Variants in MITF observed in about 807,000 individuals in gnomAD.
MITF encodes the protein melanocyte inducing transcription factor, also known as microphthalmia-associated transcription factor.
MITF carries 17 observed loss-of-function variants against 60.5 expected under a neutral mutation model. The ratio of observed to expected loss-of-function variants is 0.28; its 90% confidence interval spans 0.19 to 0.42. The LOEUF is 0.42. Among genes scored for constraint, MITF ranks in the 10% least tolerant of loss-of-function variants. The probability of loss-of-function intolerance (pLI) is 1.00; values close to 1 mark genes in which losing one functional copy is unlikely to be tolerated. For missense variants in MITF, 622 were observed against 683.5 expected (o/e 0.91, Z 1.00); for synonymous variants, 260 against 248.5 (o/e 1.05, Z -0.43).
chr3:69,924,415 A>G (rs190971190), intron 2 of MITF, among the ~76,000 whole-genome samples: 18 of 152,362 alleles, frequency 1.2e-4, no homozygotes, highest in African/African-American at 4.3e-4. Context: ...CTTAGTAAAC[A>G]TGCTACCATA....
intron 1 of MITF, among the ~76,000 whole-genome samples, chr3:69,850,119 C>A (rs1181302640): frequency 6.6e-6 from 1 of 152,168 alleles, no homozygotes; most frequent in Non-Finnish European, 1.5e-5. Context: ...GGATCCCCCA[C>A]CCTCCCATAA....
intron 1 of MITF, among the ~76,000 whole-genome samples, chr3:69,782,993 A>G (rs1323424531): frequency 6.6e-6 from 1 of 152,202 alleles, no homozygotes; most frequent in Non-Finnish European, 1.5e-5. Flanking sequence ...GATAAGAAAA[A>G]TTATTCTCAT....
intron 2 of MITF, among the ~76,000 whole-genome samples, chr3:69,932,844 C>G (rs1172745760): frequency 1.3e-5 from 2 of 152,100 alleles, no homozygotes; most frequent in African/African-American, 4.8e-5. Flanking sequence ...GATTGCATAA[C>G]TGACATTCTC....
At chr3:69,751,115 A>T (rs1258753710) in intron 1 of MITF, among the ~76,000 whole-genome samples, 2 of 152,192 alleles carry the variant, frequency 1.3e-5, no homozygotes, top group African/African-American at 4.8e-5. Flanking sequence ...CTTGAAGCAT[A>T]CTGCAGTCAC....
intron 1 of MITF, among the ~76,000 whole-genome samples, chr3:69,806,115 C>CA (rs2106970817): frequency 6.7e-6 from 1 of 148,830 alleles, no homozygotes; most frequent in Admixed American, 6.7e-5. Flanking sequence ...GACAGAATCT[C>CA]ACTCTGTCGC....
chr3:69,829,316 T>A (rs2063407780), intron 1 of MITF, among the ~76,000 whole-genome samples: 1 of 152,196 alleles, frequency 6.6e-6, no homozygotes, highest in African/African-American at 2.4e-5. Flanking sequence ...GAAAGTGATA[T>A]AACTTCTGTT....
chr3:69,827,231 T>C (rs1253695002), intron 1 of MITF, among the ~76,000 whole-genome samples: 10 of 152,188 alleles, frequency 6.6e-5, no homozygotes, highest in Admixed American at 6.6e-4. Context: ...TACCCTCAAG[T>C]CTTCAACAGA....
chr3:69,782,572 G>C (rs564603423), intron 1 of MITF, among the ~76,000 whole-genome samples: 105 of 152,250 alleles, frequency 6.9e-4, no homozygotes, highest in African/African-American at 2.4e-3. Flanking sequence ...ACCCAGTCCT[G>C]TCTGATTTCT....
chr3:69,787,077 A>G (rs2062662258), intron 1 of MITF, among the ~76,000 whole-genome samples: 1 of 152,158 alleles, frequency 6.6e-6, no homozygotes, highest in African/African-American at 2.4e-5. Flanking sequence ...ATGTGGTGAG[A>G]GAGAGAGAGA....
Position 69,774,757 on chromosome 3 carries a change from AG to A in MITF, c.104+35057del, listed in dbSNP as rs1177427401. ...TGCTAGAGGCCTTGCTGCTGAGGAA[AG>A]TTGCCATGGTTACCAGCACCGTGGC... is the stretch of plus-strand genomic sequence containing the variant. On this transcript the variant is annotated intron_variant, in intron 1 of 9. Transcript: ENST00000352241. 3.3e-5 allele frequency among the ~76,000 whole-genome samples: 5 copies of A among 152,152 alleles called. No homozygotes were observed. The South Asian group carries it at 1.0e-3, about 32-fold the overall frequency.
intron 1 of MITF, among the ~76,000 whole-genome samples, chr3:69,847,808 A>G (rs1348294585): frequency 6.6e-6 from 1 of 152,176 alleles, no homozygotes; most frequent in Non-Finnish European, 1.5e-5. Context: ...GAGACTTTAT[A>G]TCAGATTTTC....
At chr3:69,756,677 A>G (rs1704162265) in intron 1 of MITF, among the ~76,000 whole-genome samples, 1 of 152,102 alleles carries the variant, frequency 6.6e-6, no homozygotes, top group African/African-American at 2.4e-5. Context: ...GTCAAATGGT[A>G]TTTCTGGTTC....
intron 1 of MITF, among the ~76,000 whole-genome samples, chr3:69,868,378 C>T (rs1297160151): frequency 1.3e-5 from 2 of 152,102 alleles, no homozygotes; most frequent in South Asian, 2.1e-4. Context: ...GATCCTGGCT[C>T]CAGGGCTTAA....
At chr3:69,939,631 TAA>T (rs1409763772) in intron 4 of MITF, among the ~76,000 whole-genome samples, 1 of 152,066 alleles carries the variant, frequency 6.6e-6, no homozygotes, top group Admixed American at 6.6e-5. Flanking sequence ...CCCAAATAAC[TAA>T]AGTTTCTTCT....
intron 1 of MITF, among the ~76,000 whole-genome samples, chr3:69,796,434 T>G (rs2062828611): frequency 6.6e-6 from 1 of 151,620 alleles, no homozygotes. Flanking sequence ...TTGCAGGTAG[T>G]AAAACATTTA....
chr3:69,798,128 A>G (rs1692427747), intron 1 of MITF, among the ~76,000 whole-genome samples: 2 of 152,174 alleles, frequency 1.3e-5, no homozygotes, highest in Admixed American at 6.5e-5. Context: ...CAGTCTCCCC[A>G]TGTGTAAAGT....
intron 1 of MITF, among the ~76,000 whole-genome samples, chr3:69,859,102 G>A (rs368490373): frequency 6.6e-5 from 10 of 152,158 alleles, no homozygotes; most frequent in African/African-American, 2.4e-4. Context: ...TACGAAGGGT[G>A]GTGTGTGTGT....
intron 1 of MITF, chr3:69,838,477 T>G (rs1179412599): frequency 6.6e-6 from 1 of 152,658 alleles, no homozygotes; most frequent in Non-Finnish European, 1.5e-5. Flanking sequence ...TTTGCAGAAG[T>G]TCTTTAATAA....
Position 69,965,195 on chromosome 3 carries a change from A to G in MITF, c.1528A>G (p.Thr510Ala). The G allele has an allele frequency of 6.2e-7, 1 of 1,613,674 alleles. No homozygotes were observed. The highest frequency in any genetic ancestry group is 8.5e-7 in the Non-Finnish European group (1 of 1,179,632). ...CTCAGTGTCCCCCGGAGCTTCCAAA[A>G]CAAGCAGCCGGAGGAGCAGTATGAG... ...LSSVSPGASK[T>A]SSRRSSMSME... is the part of the protein sequence containing the mutation. The change falls in exon 10 of 10, where the codon ACA becomes GCA. Residue 510 changes from threonine (T) to alanine (A), a missense_variant. Coordinates refer to ENST00000352241, the MANE Select transcript of MITF (RefSeq NM_001354604.2).
Sources: allele counts gnomAD v4.1 joint callset (sites outside exome capture counted in the v4.1 genomes callset), GRCh38; gene constraint gnomAD v4.1.1; transcripts MANE v1.5; gene names NCBI Gene and HGNC (gene_info 2026-07-23, HGNC 2026-07-21).